The following MID1 variants were observed in gnomAD, a reference collection of about 807,000 sequenced individuals.
The protein encoded by MID1 is midline 1.
MID1 carries 7 observed loss-of-function variants against 40.4 expected under a neutral mutation model. The observed-to-expected ratio is 0.17, with a 90% confidence interval of 0.10 to 0.33. The LOEUF (loss-of-function observed/expected upper bound fraction) is 0.33, where lower values mean the gene tolerates loss of function less well. Among genes scored for constraint, MID1 ranks in the 10% least tolerant of loss-of-function variants. MID1 has a pLI of 1.00. For synonymous variants in MID1, 229 were observed against 221.2 expected, an observed-to-expected ratio of 1.04 and a Z score of -0.31; for missense variants, 367 against 558.5, an observed-to-expected ratio of 0.66 and a Z score of 3.46.
intron 1 of MID1, among the ~76,000 whole-genome samples, chrX:10,702,937 A>C (rs58547661): frequency 0.11 from 12,115 of 111,255 alleles, 1,124 homozygotes; most frequent in African/African-American, 0.3. Context: ...GTGGAAAGGT[A>C]ATGTGAGGCT....
chrX:10,788,879 C>T lies in MID1; in HGVS notation c.-187+44675G>A, dbSNP rs779858659. 8.0e-5 allele frequency among the ~76,000 whole-genome samples: 9 copies of T among 112,378 alleles called. No homozygotes were observed. In the South Asian group the frequency reaches 3.3e-3, roughly 41 times the overall value. The stretch of plus-strand genomic sequence containing the variant: ...GATGTGGCGGCTTACGCCTGTAATC[C>T]CAGTATTTTGGGAGGCCGAGGCGGG... On this transcript the variant is annotated intron_variant, in intron 1 of 10. Coordinates refer to the MID1 transcript ENST00000380785.
intron 1 of MID1, chrX:10,589,729 T>A (rs1935237438): frequency 9.1e-6 from 1 of 110,158 alleles, no homozygotes; most frequent in Non-Finnish European, 1.9e-5. Flanking sequence ...GCTCTCAGGA[T>A]CCGCGTCGCT....
At chrX:10,537,201 T>A (rs1038177667) in intron 2 of MID1, among the ~76,000 whole-genome samples, 1 of 110,379 alleles carries the variant, frequency 9.1e-6, no homozygotes, top group Non-Finnish European at 1.9e-5. Flanking sequence ...AAAAAAAAAA[T>A]TAAGTGGTAT....
chrX:10,722,241 C>T (rs998772497), intron 1 of MID1, among the ~76,000 whole-genome samples: 8 of 111,960 alleles, frequency 7.1e-5, no homozygotes, highest in Admixed American at 6.7e-4. Flanking sequence ...ATCTCCCCCA[C>T]TACCTTATTC....
rs759468378 is a variant in MID1 at position 10,513,000 on chromosome X, C to T, written c.756+10092G>A. Among the ~76,000 whole-genome samples, 386 of 112,060 alleles carry T rather than the reference C, an allele frequency of 3.4e-3. 2 individuals are homozygous for T. The highest frequency in any genetic ancestry group is 5.2e-3 in the Non-Finnish European group (275 of 53,201). ...ATATTTCTATTTCAAACAAAAATAA[C>T]CAGTACTACAATTGTCTTCTTGTTA... On this transcript the variant is annotated intron_variant, in intron 3 of 9. Transcript: ENST00000317552.
intron 1 of MID1, among the ~76,000 whole-genome samples, chrX:10,645,001 C>T (rs1055476267): frequency 8.9e-6 from 1 of 111,749 alleles, no homozygotes; most frequent in Non-Finnish European, 1.9e-5. Flanking sequence ...GTTGTAGGTG[C>T]GACAGCATGG....
At chrX:10,698,665 G>T (rs1280012169) in intron 1 of MID1, among the ~76,000 whole-genome samples, 1 of 103,257 alleles carries the variant, frequency 9.7e-6, no homozygotes, top group African/African-American at 3.6e-5. Flanking sequence ...ATGCTACTTT[G>T]TCATAAGGAT....
intron 1 of MID1, among the ~76,000 whole-genome samples, chrX:10,754,531 T>A (rs1008918210): frequency 9.0e-6 from 1 of 111,274 alleles, no homozygotes; most frequent in Non-Finnish European, 1.9e-5. Context: ...TTGAATTTTA[T>A]CTCGTAAGAC....
intron 1 of MID1, among the ~76,000 whole-genome samples, chrX:10,801,473 C>T (rs1191199728): frequency 7.1e-5 from 8 of 111,952 alleles, no homozygotes; most frequent in Admixed American, 4.7e-4. Flanking sequence ...GGTTAAGTAG[C>T]CCTGAGTTTG....
chrX:10,531,555 T>A (rs189843095), intron 2 of MID1, among the ~76,000 whole-genome samples: 2 of 112,287 alleles, frequency 1.8e-5, no homozygotes, highest in East Asian at 5.6e-4. Context: ...CCTTGTCAGG[T>A]TTTATTTGAA....
rs142969732 is a variant in MID1, at chrX:10,522,486, A to T, written c.756+606T>A. ...TTTGTGGTAATTTGTTATGGTAGCC[A>T]TAGTACACTAATACAATACCTTTTT... is the stretch of plus-strand genomic sequence containing the variant. On this transcript the variant is annotated intron_variant, in intron 3 of 9. Coordinates refer to ENST00000317552, the MANE Select transcript of MID1 (RefSeq NM_000381.4). Among the ~76,000 whole-genome samples, 40 of 112,310 alleles carry T rather than the reference A, an allele frequency of 3.6e-4. No individual in the cohort carries two copies. In the East Asian group the frequency reaches 7.0e-3, roughly 20 times the overall value.
intron 2 of MID1, among the ~76,000 whole-genome samples, chrX:10,533,380 A>AAAGAAAGAAAG (rs1569089825): frequency 1.5e-4 from 9 of 60,306 alleles, no homozygotes; most frequent in Admixed American, 7.5e-4. Context: ...AAGAAAGAAA[A>AAAGAAAGAAAG]AGAAAGAAAG....
At chrX:10,469,422 A>C (rs1458310465) in intron 7 of MID1, 13 of 1,073,894 alleles carry the variant, frequency 1.2e-5, no homozygotes, top group Non-Finnish European at 1.6e-5. Context: ...GTATCTCTCT[A>C]TATATTTGTT....
intron 3 of MID1, chrX:10,501,364 A>C: frequency 9.5e-7 from 1 of 1,051,445 alleles, no homozygotes; most frequent in Non-Finnish European, 1.3e-6. Context: ...AGTCACTTTC[A>C]CCTCATCTCA....
intron 1 of MID1, among the ~76,000 whole-genome samples, chrX:10,573,857 G>C (rs1320725717): frequency 1.8e-5 from 2 of 111,571 alleles, no homozygotes; most frequent in East Asian, 2.8e-4. Flanking sequence ...TTCATGTACT[G>C]CAAGTGCCTC....
At chrX:10,482,758 T>C (rs1930408152) in intron 4 of MID1, 130 bp from the exon 5 acceptor site, 1 of 658,584 alleles carries the variant, frequency 1.5e-6, no homozygotes, top group Admixed American at 2.5e-5. Context: ...CATAGAGATA[T>C]ATCAAAATAT....
chrX:10,717,870 C>T (rs1489731963), intron 1 of MID1, among the ~76,000 whole-genome samples: 2 of 111,654 alleles, frequency 1.8e-5, no homozygotes, highest in African/African-American at 3.3e-5. Context: ...TGCAATCAAA[C>T]TAGAACTCAG....
chrX:10,725,475 G>A (rs986516830), intron 1 of MID1, among the ~76,000 whole-genome samples: 7 of 111,990 alleles, frequency 6.3e-5, no homozygotes, highest in Non-Finnish European at 1.3e-4. Context: ...TATTGGCCAT[G>A]TTACATATTC....
chrX:10,454,240 C>T (rs1286317921), intron 9 of MID1, among the ~76,000 whole-genome samples: 1 of 111,588 alleles, frequency 9.0e-6, no homozygotes, highest in Non-Finnish European at 1.9e-5. Flanking sequence ...CACTGCTTCA[C>T]CCCCACCATT....
Sources: gnomAD v4.1 joint callset for allele counts (sites outside exome capture counted in the v4.1 genomes callset) on GRCh38, gnomAD v4.1.1 for gene constraint, MANE v1.5 for transcripts, NCBI Gene and HGNC (gene_info 2026-07-23, HGNC 2026-07-21) for gene names.